Variants in TLCD4 observed in about 807,000 individuals in gnomAD.
TLCD4 encodes TLC domain containing 4, also known as TLC domain-containing protein 4.
Under a neutral mutation model 24.2 loss-of-function variants are expected in TLCD4, and 7 were observed. The ratio of observed to expected loss-of-function variants is 0.29; its 90% confidence interval spans 0.16 to 0.54. The LOEUF is 0.54. TLCD4 is among the 20% of genes least tolerant of loss of function. The pLI is 0.95. For missense variants in TLCD4, 259 were observed against 313.9 expected, an observed-to-expected ratio of 0.82 and a Z score of 1.32; for synonymous variants, 103 against 106.4, an observed-to-expected ratio of 0.97 and a Z score of 0.20.
At chr1:95,156,060 G>A (rs931750534) in intron 5 of TLCD4, among the ~76,000 whole-genome samples, 3 of 151,992 alleles carry the variant, frequency 2.0e-5, no homozygotes, top group Non-Finnish European at 4.4e-5. Context: ...TAGAAATACT[G>A]GGCTTAGTAA....
chr1:95,111,464 G>T, the TLCD4 span, among the ~76,000 whole-genome samples: 1 of 152,336 alleles, frequency 6.6e-6, no homozygotes, highest in East Asian at 1.9e-4. Flanking sequence ...GACCAGAGGT[G>T]TTTATCATGT....
chr1:95,125,610 C>T (rs1676712778), intron 1 of TLCD4: 1 of 152,120 alleles, frequency 6.6e-6, no homozygotes, highest in African/African-American at 2.4e-5. Flanking sequence ...CAGACTAGCC[C>T]TCGGGTAGAG....
chr1:95,155,622 C>T (rs914721643), intron 5 of TLCD4, among the ~76,000 whole-genome samples: 6 of 151,978 alleles, frequency 3.9e-5, no homozygotes, highest in African/African-American at 9.7e-5. Flanking sequence ...GTATGTGTCA[C>T]ATGTGATGCT....
intron 1 of TLCD4, among the ~76,000 whole-genome samples, chr1:95,126,294 G>A (rs1676732384): frequency 6.6e-6 from 1 of 152,080 alleles, no homozygotes; most frequent in East Asian, 1.9e-4. Flanking sequence ...CAGGCATGGT[G>A]GTGCATGCCT....
the TLCD4 span, among the ~76,000 whole-genome samples, chr1:95,111,143 AAAAG>A: frequency 8.9e-6 from 1 of 112,270 alleles, no homozygotes; most frequent in Non-Finnish European, 2.0e-5. Flanking sequence ...TAAAAAAAAA[AAAAG>A]ATTATCTGGG....
intron 6 of TLCD4, among the ~76,000 whole-genome samples, chr1:95,186,808 A>G (rs1048510199): frequency 2.6e-5 from 4 of 152,204 alleles, no homozygotes; most frequent in African/African-American, 9.7e-5. Flanking sequence ...ATTGTCTTAG[A>G]TAATTTAGCC....
intron 6 of TLCD4, among the ~76,000 whole-genome samples, chr1:95,180,348 T>G (rs1181002747): frequency 1.3e-5 from 2 of 152,226 alleles, no homozygotes; most frequent in Admixed American, 1.3e-4. Flanking sequence ...ATCTAAAAGC[T>G]TTGAATCCTT....
chr1:95,113,363 G>C (rs889678215), upstream of TLCD4, among the ~76,000 whole-genome samples: 1 of 152,142 alleles, frequency 6.6e-6, no homozygotes, highest in Admixed American at 6.5e-5. Context: ...GTTGATTTGA[G>C]TGAACATTGT....
intron 1 of TLCD4, among the ~76,000 whole-genome samples, chr1:95,118,708 C>T (rs1676496315): frequency 6.6e-6 from 1 of 152,050 alleles, no homozygotes; most frequent in African/African-American, 2.4e-5. Flanking sequence ...TTTGTGTAGC[C>T]GATTAAGGTA....
At chr1:95,158,472 C>A (rs990351415) in intron 5 of TLCD4, among the ~76,000 whole-genome samples, 4 of 151,452 alleles carry the variant, frequency 2.6e-5, no homozygotes, top group African/African-American at 9.7e-5. Flanking sequence ...CATGATTCAC[C>A]ATCCCTGGCC....
chr1:95,150,156 G>A lies in TLCD4; in HGVS notation c.246-52G>A, dbSNP rs1298930524. On this transcript the variant is annotated intron_variant, in intron 3 of 6. Coordinates refer to ENST00000370203, the MANE Select transcript of TLCD4 (RefSeq NM_152487.3). ...TAAATCTCTATAGAAAAAAGAAGTA[G>A]CGGTCATCTACAATCTATATACTTT... 4 of 1,561,716 alleles carry A rather than the reference G, an allele frequency of 2.6e-6. No individual in the cohort carries two copies. The East Asian group carries it at 6.8e-5, about 26-fold the overall frequency.
intron 5 of TLCD4, among the ~76,000 whole-genome samples, chr1:95,153,906 G>A (rs1677558607): frequency 6.6e-6 from 1 of 152,068 alleles, no homozygotes; most frequent in African/African-American, 2.4e-5. Flanking sequence ...TCTGATGTTG[G>A]GACTAGGACC....
chr1:95,176,216 C>A (rs11165335), intron 6 of TLCD4, among the ~76,000 whole-genome samples: 53,860 of 146,616 alleles, frequency 0.37, 11,197 homozygotes, highest in Middle Eastern at 0.56. Flanking sequence ...TTTTTTGATG[C>A]AGTTTTGCTC....
chr1:95,108,378 G>A, the TLCD4 span, among the ~76,000 whole-genome samples: 1 of 152,116 alleles, frequency 6.6e-6, no homozygotes, highest in African/African-American at 2.4e-5. Flanking sequence ...TTCATGGAAT[G>A]CATTTTTTTG....
At chr1:95,109,650 G>A in the TLCD4 span, among the ~76,000 whole-genome samples, 2 of 151,414 alleles carry the variant, frequency 1.3e-5, no homozygotes, top group Non-Finnish European at 2.9e-5. Context: ...ACCATACCTG[G>A]CTAATTTTTT....
At chr1:95,132,744 C>A (rs1676930899) in intron 1 of TLCD4, among the ~76,000 whole-genome samples, 1 of 152,036 alleles carries the variant, frequency 6.6e-6, no homozygotes. Flanking sequence ...TAGGTGAAAT[C>A]ACATAGGAAA....
At chr1:95,132,989 G>A (rs1402893232) in intron 1 of TLCD4, among the ~76,000 whole-genome samples, 1 of 152,144 alleles carries the variant, frequency 6.6e-6, no homozygotes, top group East Asian at 1.9e-4. Flanking sequence ...GGAGTGTGGT[G>A]AAGTGTCAGA....
At chr1:95,158,764 T>A (rs1677703070) in intron 5 of TLCD4, among the ~76,000 whole-genome samples, 1 of 150,482 alleles carries the variant, frequency 6.6e-6, no homozygotes, top group South Asian at 2.1e-4. Context: ...CAGTGTTTGG[T>A]TTTCTGTCCT....
intron 5 of TLCD4, among the ~76,000 whole-genome samples, chr1:95,173,253 C>T (rs1179048149): frequency 6.6e-6 from 1 of 151,562 alleles, no homozygotes; most frequent in Non-Finnish European, 1.5e-5. Context: ...GAGTTACTAT[C>T]AGGTGTTAAA....
Sources: allele counts gnomAD v4.1 joint callset (sites outside exome capture counted in the v4.1 genomes callset), GRCh38; gene constraint gnomAD v4.1.1; transcripts MANE v1.5; gene names NCBI Gene and HGNC (gene_info 2026-07-23, HGNC 2026-07-21).